GMDS: variants seen among roughly 807,000 people sequenced by gnomAD.
The protein encoded by GMDS is GDP-mannose 4,6 dehydratase.
A neutral mutation model predicts 49.9 loss-of-function variants in GMDS; 20 were observed. The ratio of observed to expected loss-of-function variants is 0.40; its 90% CI spans 0.28 to 0.58. The LOEUF (loss-of-function observed/expected upper bound fraction) is 0.58, where lower values mean the gene tolerates loss of function less well. Ranked by LOEUF, GMDS falls within the 20% of genes least tolerant of loss-of-function variation. The probability of loss-of-function intolerance (pLI) is 0.42; values close to 1 mark genes in which losing one functional copy is unlikely to be tolerated. For missense variants in GMDS, 362 were observed against 481.4 expected (o/e 0.75, Z 2.32); for synonymous variants, 177 against 178.6 (o/e 0.99, Z 0.07).
In GMDS at chr6:2,148,491, G is replaced by C. The variant is rs147139210; in HGVS notation, c.103-23760C>G. On this transcript the variant is annotated intron_variant, in intron 1 of 10. Transcript: ENST00000380815. ...GCTGGAGTGCAATGGTGTGATCTCT[G>C]CTCACTGAAACCTTCACGTCCTGGG... Among the ~76,000 whole-genome samples the C allele has an allele frequency of 5.5e-3, 836 of 152,240 alleles. 2 individuals carry two copies. Among genetic ancestry groups the C allele is most frequent in the Middle Eastern group, 0.017 (5 of 294 alleles).
intron 4 of GMDS, among the ~76,000 whole-genome samples, chr6:1,978,564 GC>G (rs1197380008): frequency 1.3e-5 from 2 of 152,138 alleles, no homozygotes; most frequent in Non-Finnish European, 2.9e-5. Flanking sequence ...GGGGCCTCCA[GC>G]CACCCCCTCC....
chr6:1,721,046 A>G (rs1386664677), intron 9 of GMDS, among the ~76,000 whole-genome samples: 1 of 152,148 alleles, frequency 6.6e-6, no homozygotes, highest in Non-Finnish European at 1.5e-5. Context: ...GCATTTATAT[A>G]AGTCCTCTGA....
chr6:2,059,808 T>C (rs1771035135), intron 4 of GMDS, among the ~76,000 whole-genome samples: 1 of 144,318 alleles, frequency 6.9e-6, no homozygotes, highest in South Asian at 2.2e-4. Context: ...CCCAAATATA[T>C]AATAAATAAT....
chr6:2,014,308 A>G (rs995674621), intron 4 of GMDS, among the ~76,000 whole-genome samples: 1 of 151,944 alleles, frequency 6.6e-6, no homozygotes, highest in Non-Finnish European at 1.5e-5. Flanking sequence ...GTAAAATGAA[A>G]TCGTTTTTAT....
intron 4 of GMDS, among the ~76,000 whole-genome samples, chr6:2,030,889 T>C (rs576659410): frequency 6.6e-6 from 1 of 152,308 alleles, no homozygotes; most frequent in Admixed American, 6.5e-5. Context: ...AGTATTATCT[T>C]TGTGACTCAA....
At chr6:2,194,163 C>CTG (rs149852066) in intron 1 of GMDS, among the ~76,000 whole-genome samples, 7 of 151,624 alleles carry the variant, frequency 4.6e-5, no homozygotes, top group South Asian at 2.1e-4. Context: ...GCAGTTTGGA[C>CTG]TGTGTGTGTG....
chr6:1,721,331 A>G (rs1766377947), intron 9 of GMDS, among the ~76,000 whole-genome samples: 1 of 152,216 alleles, frequency 6.6e-6, no homozygotes, highest in South Asian at 2.1e-4. Context: ...GTTTTAACCT[A>G]TGATTTTTCC....
chr6:1,632,808 G>A (rs1429821516), intron 9 of GMDS, among the ~76,000 whole-genome samples: 1 of 152,192 alleles, frequency 6.6e-6, no homozygotes, highest in Non-Finnish European at 1.5e-5. Context: ...GAGCCCAGGA[G>A]TTTGAGGCTG....
chr6:1,652,664 A>ATATATAT (rs1763735125), intron 9 of GMDS, among the ~76,000 whole-genome samples: 1 of 3,902 alleles, frequency 2.6e-4, no homozygotes, highest in African/African-American at 5.8e-4. Flanking sequence ...TTTATATATA[A>ATATATAT]TATATATAAT....
chr6:1,832,833 G>A (rs1756727090), intron 7 of GMDS, among the ~76,000 whole-genome samples: 1 of 152,214 alleles, frequency 6.6e-6, no homozygotes, highest in Admixed American at 6.5e-5. Flanking sequence ...GTCTTTGCCT[G>A]CCACAGACCT....
chr6:2,069,111 C>T (rs557122299), intron 4 of GMDS, among the ~76,000 whole-genome samples: 51 of 152,194 alleles, frequency 3.4e-4, no homozygotes, highest in Admixed American at 1.2e-3. Context: ...GGAATAACGT[C>T]GCGTATCTAA....
At chr6:1,823,499 C>T (rs1329859728) in intron 7 of GMDS, among the ~76,000 whole-genome samples, 1 of 152,140 alleles carries the variant, frequency 6.6e-6, no homozygotes, top group Non-Finnish European at 1.5e-5. Flanking sequence ...TGGAAAGACC[C>T]TGGGCTCCTA....
At chr6:1,728,928 C>T (rs558935491) in intron 8 of GMDS, among the ~76,000 whole-genome samples, 90 of 151,348 alleles carry the variant, frequency 5.9e-4, no homozygotes, top group African/African-American at 2.1e-3. Flanking sequence ...TAAAACCTGT[C>T]CTTACCTCCA....
intron 9 of GMDS, among the ~76,000 whole-genome samples, chr6:1,656,655 T>C (rs540884312): frequency 1.3e-5 from 2 of 151,644 alleles, no homozygotes; most frequent in Non-Finnish European, 2.9e-5. Context: ...TCCCAAGTGC[T>C]CAGGAGGCTG....
intron 7 of GMDS, among the ~76,000 whole-genome samples, chr6:1,828,983 T>G (rs1239403071): frequency 6.6e-6 from 1 of 152,226 alleles, no homozygotes; most frequent in East Asian, 1.9e-4. Flanking sequence ...TTTGTATATG[T>G]GTACCATATA....
intron 3 of GMDS, among the ~76,000 whole-genome samples, chr6:2,117,038 T>C (rs542763276): frequency 3.3e-5 from 5 of 152,348 alleles, no homozygotes; most frequent in South Asian, 2.1e-4. Flanking sequence ...ACAGTTTTGA[T>C]TGCCATTTAT....
chr6:2,077,789 C>A (rs1410810605), intron 4 of GMDS, among the ~76,000 whole-genome samples: 1 of 151,930 alleles, frequency 6.6e-6, no homozygotes, highest in Non-Finnish European at 1.5e-5. Flanking sequence ...GGTGATGCTG[C>A]CCTCATAGAA....
chr6:2,053,555 G>A (rs1770587976), intron 4 of GMDS, among the ~76,000 whole-genome samples: 1 of 151,856 alleles, frequency 6.6e-6, no homozygotes, highest in Non-Finnish European at 1.5e-5. Context: ...TTTCCACATT[G>A]AAACCTACAC....
chr6:2,157,190 C>G (rs1203535306), intron 1 of GMDS, among the ~76,000 whole-genome samples: 1 of 152,176 alleles, frequency 6.6e-6, no homozygotes, highest in Non-Finnish European at 1.5e-5. Flanking sequence ...TACTTGACAT[C>G]TTATTAACAT....
Sources: allele counts gnomAD v4.1 joint callset (sites outside exome capture counted in the v4.1 genomes callset), GRCh38; gene constraint gnomAD v4.1.1; transcripts MANE v1.5; gene names NCBI Gene and HGNC (gene_info 2026-07-23, HGNC 2026-07-21).